The following RPTOR variants were observed in gnomAD, a reference collection of about 807,000 sequenced individuals.
The protein encoded by RPTOR is regulatory associated protein of MTOR complex 1.
RPTOR carries 21 observed loss-of-function variants against 169.9 expected under a neutral mutation model. That is an observed-to-expected ratio of 0.12 (90% CI 0.09 to 0.18). RPTOR has a LOEUF of 0.18. Ranked by LOEUF, RPTOR falls within the 10% of genes least tolerant of loss-of-function variation. The probability of loss-of-function intolerance (pLI) is 1.00; values close to 1 mark genes in which losing one functional copy is unlikely to be tolerated. For missense variants in RPTOR, 1,133 were observed against 1,855.9 expected, an observed-to-expected ratio of 0.61 and a Z score of 7.16; for synonymous variants, 732 against 753.2, an observed-to-expected ratio of 0.97 and a Z score of 0.46.
At chr17:80,685,635 T>A (rs993899232) in intron 3 of RPTOR, among the ~76,000 whole-genome samples, 354 of 48,446 alleles carry the variant, frequency 7.3e-3, no homozygotes, top group Middle Eastern at 0.012. Flanking sequence ...ATATTTTTTT[T>A]TTTTTTTTTT....
Position 80,878,770 on chromosome 17 carries a change from G to A in RPTOR, c.1510-1645G>A, listed in dbSNP as rs1222523999. Among the ~76,000 whole-genome samples, 1 of 152,156 alleles carries A rather than the reference G, an allele frequency of 6.6e-6. No individual in the cohort carries two copies. Among genetic ancestry groups the A allele is most frequent in the African/African-American group, 2.4e-5 (1 of 41,428 alleles). On this transcript the variant is annotated intron_variant, in intron 13 of 33. Transcript: ENST00000306801. This position sits in a 1 kb window ranked among gnomAD's most constrained non-coding sequence, Gnocchi z 4.1. ...GGGTTTTGGGCAAATACTTCCCGAAGTATTATCGTTACCCCTGAATATCCA... is the reference window on the plus strand; with the variant it reads ...GGGTTTTGGGCAAATACTTCCCGAAATATTATCGTTACCCCTGAATATCCA...
At chr17:80,829,686 C>T (rs1223903897) in intron 9 of RPTOR, among the ~76,000 whole-genome samples, 3 of 152,224 alleles carry the variant, frequency 2.0e-5, no homozygotes, top group South Asian at 2.1e-4. Context: ...GCGTCCACGG[C>T]GACTTGTGGC....
At chr17:80,856,360 A>G (rs563578070) in intron 12 of RPTOR, among the ~76,000 whole-genome samples, 28 of 152,218 alleles carry the variant, frequency 1.8e-4, no homozygotes, top group Non-Finnish European at 3.4e-4. Flanking sequence ...CACATGACAT[A>G]TGAGCCTTAA....
At chr17:80,673,578 G>A (rs556552174) in intron 3 of RPTOR, among the ~76,000 whole-genome samples, 9 of 152,208 alleles carry the variant, frequency 5.9e-5, no homozygotes, top group Admixed American at 2.0e-4. Context: ...AGCGGTTGCC[G>A]TGACCTTCGC....
intron 31 of RPTOR, 56 bp downstream of exon 31, chr17:80,961,536 C>T: frequency 6.6e-7 from 1 of 1,511,300 alleles, no homozygotes; most frequent in Non-Finnish European, 8.9e-7. Context: ...ATTTTCCCCT[C>T]CATTTAAAAT....
In RPTOR at chr17:80,953,841, GCCCTCACTGT is replaced by G. The variant is rs1424470711; in HGVS notation, c.3371-3782_3371-3773del. 9.2e-5 allele frequency among the ~76,000 whole-genome samples: 14 copies of G among 152,358 alleles called. No individual in the cohort carries two copies. In the East Asian group the frequency reaches 2.7e-3, roughly 29 times the overall value. ...TGCCCTCCCGCCCGGTTGCACACCG[GCCCTCACTGT>G]GCTCACAAGGCCTCCCAGCGGAGGA... On this transcript the variant is annotated intron_variant, in intron 28 of 33. Transcript: ENST00000306801.
At chr17:80,668,066 C>T (rs371759515) in intron 3 of RPTOR, among the ~76,000 whole-genome samples, 1 of 152,144 alleles carries the variant, frequency 6.6e-6, no homozygotes, top group Admixed American at 6.5e-5. Context: ...CAGGCGCGGG[C>T]ATCTAACCTG....
At chr17:80,801,525 G>A (rs142370183) in intron 7 of RPTOR, 1 of 152,292 alleles carries the variant, frequency 6.6e-6, no homozygotes, top group Admixed American at 6.5e-5. Context: ...ACAGGGTTTG[G>A]GGGGGCAGCA....
At chr17:80,727,811 A>T (rs1234311151) in intron 4 of RPTOR, among the ~76,000 whole-genome samples, 1 of 152,120 alleles carries the variant, frequency 6.6e-6, no homozygotes, top group Admixed American at 6.5e-5. Flanking sequence ...AAGTATTTCT[A>T]TAGGATGGAT....
rs928266520 is a variant in RPTOR, at chr17:80,823,894, A to T, written c.1136+671A>T. 4.6e-5 allele frequency among the ~76,000 whole-genome samples: 7 copies of T among 152,286 alleles called. No homozygotes were observed. Among genetic ancestry groups the T allele is most frequent in the Non-Finnish European group, 1.0e-4 (7 of 68,052 alleles). On this transcript the variant is annotated intron_variant, in intron 9 of 33. Transcript: ENST00000306801. The surrounding 1 kb of genome is among the most constrained non-coding windows in gnomAD (Gnocchi z 4.5). ...AAATTCTAAAATGGTATTAAAACAA[A>T]GGAAAAATATTTCTGTTCATCAATG...
At chr17:80,590,435 T>C (rs2143406573) in intron 1 of RPTOR, among the ~76,000 whole-genome samples, 1 of 149,298 alleles carries the variant, frequency 6.7e-6, no homozygotes, top group East Asian at 2.0e-4. Flanking sequence ...ACACAGTGTC[T>C]TTAATGGTTG....
intron 6 of RPTOR, among the ~76,000 whole-genome samples, chr17:80,764,038 GA>G (rs1327007672): frequency 2.0e-5 from 3 of 151,930 alleles, no homozygotes; most frequent in African/African-American, 7.2e-5. Context: ...TGTCTTTTTA[GA>G]AACTGATTAT....
rs762173214 is a variant in RPTOR at position 80,893,756 on chromosome 17, C to T, written c.2292C>T (p.Ser764=). 47 of 1,607,594 alleles carry T rather than the reference C, an allele frequency of 2.9e-5. No individual in the cohort carries two copies. In the South Asian group the frequency reaches 3.5e-4, roughly 12 times the overall value. The change falls in exon 20 of 34, where the codon AGC becomes AGT. Residue 764 remains serine (S), a synonymous_variant. Coordinates refer to ENST00000306801, the MANE Select transcript of RPTOR (RefSeq NM_020761.3). ...CCGGAAACCTCAGCACCAGCAGCAG[C>T]GCCAGCAGCACCCTGGGCAGCCCCG... is the stretch of plus-strand genomic sequence containing the variant. ...FSPGNLSTSS[S]ASSTLGSPEN...
chr17:80,921,917 C>G (rs2068749542), intron 21 of RPTOR, among the ~76,000 whole-genome samples: 1 of 152,342 alleles, frequency 6.6e-6, no homozygotes, highest in East Asian at 1.9e-4. Context: ...CCCAGCACCA[C>G]CTGCGTGCGC....
chr17:80,934,890 G>A lies in RPTOR; in HGVS notation c.2920-5606G>A, dbSNP rs118178027. Among the ~76,000 whole-genome samples the A allele has an allele frequency of 5.6e-3, 845 of 152,028 alleles. 11 individuals are homozygous for A. Among genetic ancestry groups the A allele is most frequent in the Admixed American group, 0.02 (306 of 15,266 alleles). The stretch of plus-strand genomic sequence containing the variant: ...CACAGATTCCCAAGTCCTCAGCATC[G>A]TATTAACAAGCTCCAGCCAGGCACA... On this transcript the variant is annotated intron_variant, in intron 24 of 33. Coordinates refer to ENST00000306801, the MANE Select transcript of RPTOR (RefSeq NM_020761.3).
At chr17:80,808,142 AAGTT>A (rs1413473912) in intron 7 of RPTOR, among the ~76,000 whole-genome samples, 4 of 151,924 alleles carry the variant, frequency 2.6e-5, no homozygotes, top group African/African-American at 9.7e-5. Flanking sequence ...CAAAAAAAAA[AAGTT>A]AGGCATGATG....
chr17:80,934,868 A>G (rs1350260751), intron 24 of RPTOR, among the ~76,000 whole-genome samples: 1 of 152,174 alleles, frequency 6.6e-6, no homozygotes, highest in Non-Finnish European at 1.5e-5. Context: ...TAAAAAACAC[A>G]GATTCCCAAG....
intron 17 of RPTOR, among the ~76,000 whole-genome samples, chr17:80,886,950 G>C (rs1003062390): frequency 1.3e-5 from 2 of 152,324 alleles, no homozygotes; most frequent in Admixed American, 1.3e-4. Flanking sequence ...ACTGCCTGGA[G>C]TGCTGTGGAG....
At chr17:80,865,439 G>C in intron 13 of RPTOR, among the ~76,000 whole-genome samples, 1 of 152,190 alleles carries the variant, frequency 6.6e-6, no homozygotes, top group Middle Eastern at 3.2e-3. Context: ...TAGATTGAAG[G>C]CAAAAGGACG....
Sources: allele counts gnomAD v4.1 joint callset (sites outside exome capture counted in the v4.1 genomes callset), GRCh38; gene constraint gnomAD v4.1.1; non-coding constraint Gnocchi (gnomAD v3.1); transcripts MANE v1.5; gene names NCBI Gene and HGNC (gene_info 2026-07-23, HGNC 2026-07-21).